The following DLC1 variants were observed in gnomAD, a reference collection of about 807,000 sequenced individuals.
The protein encoded by DLC1 is rho GTPase-activating protein 7.
Under a neutral mutation model 140.3 loss-of-function variants are expected in DLC1, and 54 were observed. That is an observed-to-expected ratio of 0.38 (90% CI 0.31 to 0.48). DLC1 has a LOEUF of 0.48. Ranked by LOEUF, DLC1 falls within the 20% of genes least tolerant of loss-of-function variation. The pLI is 0.96. For synonymous variants in DLC1, 986 were observed against 728.1 expected (o/e 1.35, Z -5.70); for missense variants, 2,536 against 1,907.0 (o/e 1.33, Z -6.14).
chr8:13,338,807 A>T (rs1833913714), intron 4 of DLC1: 1 of 152,190 alleles, frequency 6.6e-6, no homozygotes, highest in Non-Finnish European at 1.5e-5. Flanking sequence ...TCAATTATTG[A>T]AATAATTGAG....
intron 2 of DLC1, among the ~76,000 whole-genome samples, chr8:13,457,799 C>T (rs935107290): frequency 2.6e-5 from 4 of 151,886 alleles, no homozygotes; most frequent in Admixed American, 6.6e-5. Context: ...CCCTGCCCCA[C>T]CAAGGTAGCA....
chr8:13,363,413 T>C (rs1345874061), intron 4 of DLC1, among the ~76,000 whole-genome samples: 1 of 150,792 alleles, frequency 6.6e-6, no homozygotes, highest in Admixed American at 6.6e-5. Context: ...CATCAGAACC[T>C]AGCATTATGC....
At chr8:13,570,711 T>C (rs1235100099) in intron 1 of DLC1, among the ~76,000 whole-genome samples, 1 of 152,082 alleles carries the variant, frequency 6.6e-6, no homozygotes, top group Non-Finnish European at 1.5e-5. Context: ...GACATTTGCG[T>C]TGGTTCTCTT....
At chr8:13,098,322 T>C in intron 10 of DLC1, 77 bp downstream of exon 10, 2 of 1,529,500 alleles carry the variant, frequency 1.3e-6, no homozygotes, top group South Asian at 2.4e-5. Context: ...TGTCATTTTT[T>C]ACTGTGGGGA....
At chr8:13,478,478 C>A (rs886830264) in intron 2 of DLC1, among the ~76,000 whole-genome samples, 1 of 152,184 alleles carries the variant, frequency 6.6e-6, no homozygotes, top group Admixed American at 6.5e-5. Flanking sequence ...CACCTTCTCT[C>A]CTGTTCAGGG....
At chr8:13,250,473 G>A (rs1829954171) in intron 5 of DLC1, among the ~76,000 whole-genome samples, 1 of 152,128 alleles carries the variant, frequency 6.6e-6, no homozygotes, top group Non-Finnish European at 1.5e-5. Context: ...GATTAGATAG[G>A]TAATTATTGT....
At chr8:13,126,814 G>C (rs187725238) in intron 5 of DLC1, among the ~76,000 whole-genome samples, 7 of 152,282 alleles carry the variant, frequency 4.6e-5, no homozygotes, top group Admixed American at 4.6e-4. Context: ...TTCTGCGATA[G>C]CACAGGAGAA....
intron 1 of DLC1, among the ~76,000 whole-genome samples, chr8:13,514,326 A>T (rs893883152): frequency 1.3e-5 from 2 of 152,202 alleles, no homozygotes; most frequent in African/African-American, 4.8e-5. Flanking sequence ...AGCTCAATTA[A>T]TAAATAAGTT....
intron 2 of DLC1, 91 bp from the exon 3 acceptor site, chr8:13,401,710 C>T: frequency 6.7e-7 from 1 of 1,488,858 alleles, no homozygotes; most frequent in Middle Eastern, 2.4e-4. Flanking sequence ...ACAAAAAGTA[C>T]ACTGGATAAT....
chr8:13,390,996 G>GAAAAGA (rs1836731792), intron 4 of DLC1, among the ~76,000 whole-genome samples: 4 of 141,278 alleles, frequency 2.8e-5, no homozygotes, highest in South Asian at 2.3e-4. Context: ...AAAAAAAAAA[G>GAAAAGA]AAAAAAAAAA....
chr8:13,581,465 C>T (rs899309068), intron 1 of DLC1, among the ~76,000 whole-genome samples: 7 of 152,162 alleles, frequency 4.6e-5, no homozygotes, highest in Admixed American at 2.0e-4. Context: ...AATCTTGGTA[C>T]TAAATTTCAC....
chr8:13,462,841 C>T (rs954326863), intron 2 of DLC1, among the ~76,000 whole-genome samples: 1 of 152,216 alleles, frequency 6.6e-6, no homozygotes, highest in East Asian at 1.9e-4. Flanking sequence ...GAAGAGCTCA[C>T]TCTCTTCCAG....
chr8:13,527,048 A>G (rs1277068416), intron 1 of DLC1, among the ~76,000 whole-genome samples: 1 of 152,166 alleles, frequency 6.6e-6, no homozygotes, highest in East Asian at 1.9e-4. Flanking sequence ...AGCAGCTTCA[A>G]AGATTCTTAA....
intron 5 of DLC1, among the ~76,000 whole-genome samples, chr8:13,286,492 A>G (rs1563225219): frequency 2.0e-5 from 3 of 152,198 alleles, no homozygotes; most frequent in Non-Finnish European, 4.4e-5. Flanking sequence ...TCATTATAAA[A>G]GTATAAAAAC....
At chr8:13,277,734 G>A (rs1469042861) in intron 5 of DLC1, among the ~76,000 whole-genome samples, 2 of 151,902 alleles carry the variant, frequency 1.3e-5, no homozygotes, top group Admixed American at 1.3e-4. Context: ...TAATGCACAA[G>A]GTTTGGCAGG....
At chr8:13,453,454 A>G (rs1464249819) in intron 2 of DLC1, among the ~76,000 whole-genome samples, 2 of 32,154 alleles carry the variant, frequency 6.2e-5, no homozygotes, top group Admixed American at 7.5e-4. Context: ...ATATACATAT[A>G]TATATGTATA....
chr8:13,099,040 A>T (rs1204503819), intron 9 of DLC1, among the ~76,000 whole-genome samples: 1 of 152,034 alleles, frequency 6.6e-6, no homozygotes, highest in East Asian at 1.9e-4. Context: ...AATATACACA[A>T]TATAAAGTGC....
chr8:13,200,585 T>A (rs1827324152), intron 5 of DLC1, among the ~76,000 whole-genome samples: 1 of 152,038 alleles, frequency 6.6e-6, no homozygotes, highest in Admixed American at 6.6e-5. Context: ...GATTACAATT[T>A]TTGTTGTTGT....
intron 2 of DLC1, among the ~76,000 whole-genome samples, chr8:13,488,529 C>A (rs989302014): frequency 2.0e-5 from 3 of 152,028 alleles, no homozygotes; most frequent in African/African-American, 7.2e-5. Flanking sequence ...AGTTAAAATG[C>A]CACAAAGAGA....
Sources: gnomAD v4.1 joint callset for allele counts (sites outside exome capture counted in the v4.1 genomes callset) on GRCh38, gnomAD v4.1.1 for gene constraint, MANE v1.5 for transcripts, NCBI Gene and HGNC (gene_info 2026-07-23, HGNC 2026-07-21) for gene names.